Variants in FBXL13 observed in about 807,000 individuals in gnomAD.
The protein encoded by FBXL13 is F-box and leucine rich repeat protein 13.
Under a neutral mutation model 83.6 loss-of-function variants are expected in FBXL13, and 67 were observed. That is an observed-to-expected ratio of 0.80 (90% CI 0.66 to 0.98). The LOEUF (loss-of-function observed/expected upper bound fraction) is 0.98. FBXL13 is among the 50% of genes least tolerant of loss of function. FBXL13 has a pLI of 0.00. For synonymous variants in FBXL13, 272 were observed against 299.5 expected, an observed-to-expected ratio of 0.91 and a Z score of 0.95; for missense variants, 822 against 866.5, an observed-to-expected ratio of 0.95 and a Z score of 0.64.
intron 1 of FBXL13, among the ~76,000 whole-genome samples, chr7:103,066,416 G>C (rs1232045293): frequency 6.7e-6 from 1 of 150,334 alleles, no homozygotes; most frequent in Non-Finnish European, 1.5e-5. Context: ...TTTTGAGACA[G>C]AGTCTTACTC....
chr7:103,003,069 T>C (rs184086345), intron 6 of FBXL13, among the ~76,000 whole-genome samples: 95 of 152,284 alleles, frequency 6.2e-4, no homozygotes, highest in Admixed American at 1.2e-3. Context: ...CTATATCTTG[T>C]AGGCATTCTT....
At chr7:103,033,810 G>C (rs1397652414) in intron 2 of FBXL13, among the ~76,000 whole-genome samples, 1 of 152,136 alleles carries the variant, frequency 6.6e-6, no homozygotes, top group African/African-American at 2.4e-5. Context: ...GGCTCGGGCA[G>C]CCTGCTTTTA....
intron 6 of FBXL13, among the ~76,000 whole-genome samples, chr7:102,971,061 T>C (rs563817127): frequency 6.6e-6 from 1 of 152,292 alleles, no homozygotes; most frequent in Admixed American, 6.5e-5. Context: ...TTAGAACTGA[T>C]GAAAGGCAAC....
intron 7 of FBXL13, among the ~76,000 whole-genome samples, chr7:102,966,291 G>C (rs1213861143): frequency 6.6e-6 from 1 of 152,176 alleles, no homozygotes; most frequent in Non-Finnish European, 1.5e-5. Flanking sequence ...AAGAGTTTCT[G>C]ACTCAGTAGG....
intron 17 of FBXL13, among the ~76,000 whole-genome samples, chr7:102,846,197 TA>T (rs914564781): frequency 1.4e-4 from 22 of 151,890 alleles, no homozygotes; most frequent in East Asian, 3.9e-4. Context: ...CCTCATCATT[TA>T]AAAAAAAATT....
intron 1 of FBXL13, among the ~76,000 whole-genome samples, chr7:103,066,869 G>A (rs572089583): frequency 6.7e-6 from 1 of 148,382 alleles, no homozygotes; most frequent in African/African-American, 2.5e-5. Context: ...GCAGCTCACC[G>A]CAACCTTCGC....
chr7:103,053,699 T>C (rs1025710886), intron 2 of FBXL13, among the ~76,000 whole-genome samples: 1 of 152,190 alleles, frequency 6.6e-6, no homozygotes, highest in East Asian at 1.9e-4. Flanking sequence ...TCCTGTCCCC[T>C]AGGCCTCTCC....
chr7:103,006,023 T>G (rs570519943), intron 6 of FBXL13, among the ~76,000 whole-genome samples: 12 of 152,120 alleles, frequency 7.9e-5, no homozygotes, highest in Non-Finnish European at 1.8e-4. Context: ...ATGAAACAAC[T>G]GCTTTCAGAT....
chr7:102,907,430 A>G (rs946560112), intron 11 of FBXL13, among the ~76,000 whole-genome samples: 4 of 151,688 alleles, frequency 2.6e-5, no homozygotes, highest in Non-Finnish European at 4.4e-5. Context: ...TTAACTCATC[A>G]TTTACATTAG....
chr7:102,968,175 C>A, intron 6 of FBXL13, 58 bp from the exon 8 acceptor site: 1 of 1,189,884 alleles, frequency 8.4e-7, no homozygotes, highest in East Asian at 2.4e-5. Context: ...GTAACTTGTC[C>A]ACTTACCTTT....
intron 11 of FBXL13, among the ~76,000 whole-genome samples, chr7:102,894,609 T>C (rs1812023150): frequency 6.6e-6 from 1 of 151,726 alleles, no homozygotes; most frequent in Non-Finnish European, 1.5e-5. Flanking sequence ...GCGCCTGTAA[T>C]GCCAACTACT....
chr7:103,037,936 A>G (rs1283331755), intron 2 of FBXL13, among the ~76,000 whole-genome samples: 1 of 151,952 alleles, frequency 6.6e-6, no homozygotes, highest in Non-Finnish European at 1.5e-5. Context: ...GGTGCACCTC[A>G]CTGGGACTGG....
intron 2 of FBXL13, among the ~76,000 whole-genome samples, chr7:103,051,754 AG>A (rs1284276970): frequency 2.0e-5 from 3 of 152,218 alleles, no homozygotes; most frequent in African/African-American, 7.2e-5. Context: ...TAAACAAAAA[AG>A]GGGAAATGAT....
chr7:102,987,813 G>C (rs571743444), intron 6 of FBXL13, among the ~76,000 whole-genome samples: 17 of 152,246 alleles, frequency 1.1e-4, no homozygotes, highest in African/African-American at 3.9e-4. Flanking sequence ...GAATACAGAG[G>C]GGTGGGGAGT....
intron 11 of FBXL13, among the ~76,000 whole-genome samples, chr7:102,899,255 T>A (rs761703125): frequency 1.1e-4 from 17 of 152,210 alleles, no homozygotes; most frequent in Non-Finnish European, 2.2e-4. Context: ...TAAATAGAAA[T>A]TACAGACTCA....
chr7:103,012,077 A>G (rs12538829), intron 6 of FBXL13, among the ~76,000 whole-genome samples: 3 of 152,156 alleles, frequency 2.0e-5, no homozygotes, highest in Admixed American at 1.3e-4. Flanking sequence ...TCAAAATGAA[A>G]GAAAAAAGGC....
At chr7:102,871,386 T>A (rs1049662907) in intron 16 of FBXL13, among the ~76,000 whole-genome samples, 25 of 151,722 alleles carry the variant, frequency 1.6e-4, no homozygotes, top group African/African-American at 2.7e-4. Flanking sequence ...AAAAAAAAAA[T>A]TTTAATTTTT....
exon 5 of FBXL13, chr7:103,027,477 T>A (rs1346220285): frequency 1.2e-6 from 2 of 1,612,914 alleles, no homozygotes; most frequent in Non-Finnish European, 1.7e-6. Context: ...TTTACTCTTA[T>A]GTCTTGCTGT....
chr7:102,977,715 T>C (rs996179505), intron 6 of FBXL13, among the ~76,000 whole-genome samples: 8 of 152,150 alleles, frequency 5.3e-5, no homozygotes, highest in Non-Finnish European at 1.0e-4. Flanking sequence ...CCAACAATGA[T>C]AGACTGGATT....
Sources: allele counts gnomAD v4.1 joint callset (sites outside exome capture counted in the v4.1 genomes callset), GRCh38; gene constraint gnomAD v4.1.1; transcripts MANE v1.5; gene names NCBI Gene and HGNC (gene_info 2026-07-23, HGNC 2026-07-21).